The following GC variants were observed in gnomAD, a reference collection of about 807,000 sequenced individuals.
GC encodes the protein vitamin D-binding protein.
A neutral mutation model predicts 56.7 loss-of-function variants in GC; 43 were observed. The ratio of observed to expected loss-of-function variants is 0.76; its 90% CI spans 0.59 to 0.98. The LOEUF (loss-of-function observed/expected upper bound fraction) is 0.98, where lower values mean the gene tolerates loss of function less well. Among genes scored for constraint, GC ranks in the 50% least tolerant of loss-of-function variants. GC has a pLI of 0.00. For synonymous variants in GC, 216 were observed against 202.7 expected (o/e 1.07, Z -0.56); for missense variants, 529 against 545.9 (o/e 0.97, Z 0.31).
At chr4:71,751,283 C>T (rs946911488) in intron 11 of GC, among the ~76,000 whole-genome samples, 2 of 152,170 alleles carry the variant, frequency 1.3e-5, no homozygotes, top group African/African-American at 4.8e-5. Context: ...TCTCAGAAGT[C>T]GAAGCATAGC....
intron 12 of GC, among the ~76,000 whole-genome samples, chr4:71,744,432 C>T (rs1285980202): frequency 1.9e-5 from 2 of 106,494 alleles, no homozygotes; most frequent in African/African-American, 6.8e-5. Context: ...GCACTCCAGC[C>T]TGGGAGACAG....
intron 1 of GC, among the ~76,000 whole-genome samples, chr4:71,781,280 A>C (rs1276503934): frequency 6.6e-6 from 1 of 152,024 alleles, no homozygotes; most frequent in Non-Finnish European, 1.5e-5. Flanking sequence ...GAAATACCTA[A>C]TGTAAATGAC....
In GC at chr4:71,756,828, C is replaced by A; in HGVS notation, c.918G>T (p.Met306Ile). The A allele has an allele frequency of 1.2e-6, 2 of 1,613,314 alleles. No homozygotes were observed. The highest frequency in any genetic ancestry group is 1.6e-4 in the Middle Eastern group (1 of 6,062). The change falls in exon 8 of 13, where the codon ATG becomes ATT. Residue 306 changes from methionine to isoleucine, a missense_variant. Coordinates refer to ENST00000273951, the MANE Select transcript of GC (RefSeq NM_000583.4). ...TGAAGTAAGTGCACACAAAAACGTC[C>A]ATGGCTGTTTTTTCTTGACAACAGT... ...FEDCCQEKTA[M>I]DVFVCTYFMP...
intron 12 of GC, among the ~76,000 whole-genome samples, chr4:71,744,743 T>G (rs1741304964): frequency 6.6e-6 from 1 of 152,118 alleles, no homozygotes; most frequent in Non-Finnish European, 1.5e-5. Context: ...GGATGAGAGG[T>G]GAGGTCACTG....
intron 10 of GC, among the ~76,000 whole-genome samples, chr4:71,753,789 C>A (rs1163409818): frequency 6.6e-6 from 1 of 152,158 alleles, no homozygotes; most frequent in Non-Finnish European, 1.5e-5. Flanking sequence ...TTTGGGTCTT[C>A]TTGCCAGGCA....
At chr4:71,781,188 G>C (rs965994153) in intron 1 of GC, among the ~76,000 whole-genome samples, 5 of 151,902 alleles carry the variant, frequency 3.3e-5, no homozygotes, top group Admixed American at 2.6e-4. Context: ...TGAACAATGA[G>C]AACACTTGGT....
chr4:71,746,057 T>G (rs1741352097), intron 12 of GC, 94 bp downstream of exon 12: 1 of 679,018 alleles, frequency 1.5e-6, no homozygotes, highest in Non-Finnish European at 2.7e-6. Flanking sequence ...CAGATAAGAA[T>G]AAATTTATTA....
At chr4:71,803,334 C>A (rs188581441) in intron 1 of GC, among the ~76,000 whole-genome samples, 169 of 152,186 alleles carry the variant, frequency 1.1e-3, no homozygotes, top group African/African-American at 3.8e-3. Flanking sequence ...TATTCTATTT[C>A]TAATCCAGTT....
intron 1 of GC, among the ~76,000 whole-genome samples, chr4:71,792,943 T>C (rs563826533): frequency 6.6e-6 from 1 of 152,324 alleles, no homozygotes; most frequent in South Asian, 2.1e-4. Flanking sequence ...CTTGTTTTTG[T>C]CTGGTTTGTC....
At position 71,743,730 on chromosome 4, in the gene GC, C is replaced by G. The variant is rs1047487060; in HGVS notation, c.*26-1860G>C. ...GTGAACAAGGTATAATTTGCTTTTT[C>G]AAAGCCATGTAACTATTCCTGAAAT... On this transcript the variant is annotated intron_variant, in intron 12 of 12. Coordinates refer to ENST00000273951, the MANE Select transcript of GC (RefSeq NM_000583.4). Among the ~76,000 whole-genome samples, 24 of 152,178 alleles carry G rather than the reference C, an allele frequency of 1.6e-4. 1 individual carries two copies. The highest frequency in any genetic ancestry group is 4.1e-4 in the African/African-American group (17 of 41,446).
chr4:71,758,000 A>C, intron 7 of GC, 42 bp downstream of exon 7: 1 of 1,590,934 alleles, frequency 6.3e-7, no homozygotes. Context: ...TTGGCACTCA[A>C]TACCTGGCAC....
At chr4:71,801,663 ATACTC>A (rs1423567722) in intron 1 of GC, among the ~76,000 whole-genome samples, 1 of 152,176 alleles carries the variant, frequency 6.6e-6, no homozygotes, top group African/African-American at 2.4e-5. Context: ...AAAAGAGAAA[ATACTC>A]TACATGCCCA....
chr4:71,756,671 A>T, intron 8 of GC, 41 bp downstream of exon 8: 1 of 1,425,838 alleles, frequency 7.0e-7, no homozygotes, highest in Non-Finnish European at 9.9e-7. Context: ...TGTCCAGATG[A>T]ACTTAAAATG....
chr4:71,780,110 C>G (rs1004327905), intron 1 of GC, among the ~76,000 whole-genome samples: 10 of 151,916 alleles, frequency 6.6e-5, no homozygotes, highest in Non-Finnish European at 1.5e-4. Flanking sequence ...CTTTGACAAA[C>G]CTGACAAAAA....
intron 1 of GC, among the ~76,000 whole-genome samples, chr4:71,793,493 A>G (rs1099028): frequency 0.97 from 147,657 of 152,270 alleles, 71,762 homozygotes; most frequent in East Asian, 1. Context: ...TGTGATTTTT[A>G]TACATTGATT....
intron 1 of GC, among the ~76,000 whole-genome samples, chr4:71,795,158 T>C (rs1743066752): frequency 6.6e-6 from 1 of 152,218 alleles, no homozygotes; most frequent in Admixed American, 6.5e-5. Context: ...GAGAGTTCTG[T>C]AGCTGTCTAT....
intron 2 of GC, 48 bp from the exon 3 acceptor site, chr4:71,768,481 T>G (rs759360143): frequency 3.2e-6 from 5 of 1,550,954 alleles, no homozygotes; most frequent in Middle Eastern, 3.5e-4. Flanking sequence ...AAAGGTTTTT[T>G]TTTTTGAGAC....
chr4:71,762,773 C>A (rs564362544), intron 6 of GC, among the ~76,000 whole-genome samples: 4 of 152,250 alleles, frequency 2.6e-5, no homozygotes, highest in Non-Finnish European at 5.9e-5. Context: ...CTGCTGCCAT[C>A]CACGTAAGAT....
upstream of GC, among the ~76,000 whole-genome samples, chr4:71,788,630 C>T (rs1327197725): frequency 1.3e-5 from 2 of 148,744 alleles, no homozygotes; most frequent in Non-Finnish European, 3.0e-5. Context: ...ATGATTTTAT[C>T]TTCTGCTTGA....
Sources: allele counts gnomAD v4.1 joint callset (sites outside exome capture counted in the v4.1 genomes callset), GRCh38; gene constraint gnomAD v4.1.1; transcripts MANE v1.5; gene names NCBI Gene and HGNC (gene_info 2026-07-23, HGNC 2026-07-21).